The following SGO2 variants were observed in gnomAD, a reference collection of about 807,000 sequenced individuals.
SGO2 encodes shugoshin 2.
A neutral mutation model predicts 99.5 loss-of-function variants in SGO2; 68 were observed. That is an observed-to-expected ratio of 0.68 (90% CI 0.56 to 0.84). The LOEUF (loss-of-function observed/expected upper bound fraction) is 0.84, where lower values mean the gene tolerates loss of function less well. Ranked by LOEUF, SGO2 falls within the 40% of genes least tolerant of loss-of-function variation. SGO2 has a pLI of 0.00. For missense variants in SGO2, 1,350 were observed against 1,436.7 expected (o/e 0.94, Z 0.97); for synonymous variants, 457 against 487.1 (o/e 0.94, Z 0.81).
chr2:200,567,643 A>C (rs1392684802), intron 5 of SGO2, among the ~76,000 whole-genome samples: 1 of 152,216 alleles, frequency 6.6e-6, no homozygotes, highest in East Asian at 1.9e-4. Flanking sequence ...AACAACTGCT[A>C]ATCTACTTTC....
chr2:200,561,521 G>A (rs1406568533), intron 5 of SGO2, among the ~76,000 whole-genome samples: 4 of 152,106 alleles, frequency 2.6e-5, no homozygotes, highest in East Asian at 1.9e-4. Context: ...ATAAACATAC[G>A]TGTGCATGTG....
chr2:200,573,024 G>A lies in SGO2; in HGVS notation c.2678G>A (p.Arg893Lys). The change falls in exon 7 of 9, where the codon AGG becomes AAG. Residue 893 changes from arginine (R) to lysine (K), a missense_variant. Transcript: ENST00000357799. ...ILELKKYVTDRKSAEQNESKI... is the reference protein window; with the variant it reads ...ILELKKYVTDKKSAEQNESKI... ...GAGTTGAAAAAGTATGTTACTGATA[G>A]GAAATCTGCTGAGCAAAATGAATCA... is the stretch of plus-strand genomic sequence containing the variant. 1.9e-6 allele frequency: 3 copies of A among 1,568,390 alleles called. No individual in the cohort carries two copies. The highest frequency in any genetic ancestry group is 2.6e-6 in the Non-Finnish European group (3 of 1,164,532).
Position 200,572,914 on chromosome 2 carries a change from A to AC in SGO2, c.2569dup (p.Gln857ProfsTer5). On this transcript the variant is annotated frameshift_variant, in exon 7 of 9. Coordinates refer to ENST00000357799, the MANE Select transcript of SGO2 (RefSeq NM_152524.6). LOFTEE classifies it high-confidence loss of function. ...ATAAAGAAACAATTTCTGAAAATCT[A>AC]CAAGTCACAAATGAATTTCAAACAG... 1 of 1,593,066 alleles carries AC rather than the reference A, an allele frequency of 6.3e-7. No homozygotes were observed. The highest frequency in any genetic ancestry group is 8.5e-7 in the Non-Finnish European group (1 of 1,173,688).
At position 200,572,649 on chromosome 2, in the gene SGO2, C is replaced by T; in HGVS notation, c.2303C>T (p.Ala768Val). The change falls in exon 7 of 9, where the codon GCT (alanine) becomes GTT (valine). Residue 768 changes from alanine (A) to valine (V), a missense_variant. Physicochemically the swap from Ala to Val is moderately conservative, Grantham distance 64. Coordinates refer to ENST00000357799, the MANE Select transcript of SGO2 (RefSeq NM_152524.6). Reference protein sequence around the residue: ...LEDPSEFETPALSTKDSGNLY... With the variant: ...LEDPSEFETPVLSTKDSGNLY... ...GACCCAAGTGAGTTTGAAACACCTGCTCTTTCTACCAAAGATAGTGGAAAC... is the reference window on the plus strand; with the variant it reads ...GACCCAAGTGAGTTTGAAACACCTGTTCTTTCTACCAAAGATAGTGGAAAC... The T allele has an allele frequency of 6.2e-7, 1 of 1,612,264 alleles. No homozygotes were observed. Among genetic ancestry groups the T allele is most frequent in the Non-Finnish European group, 8.5e-7 (1 of 1,179,276 alleles).
At chr2:200,560,626 A>G (rs1022133162) in intron 5 of SGO2, among the ~76,000 whole-genome samples, 2 of 152,002 alleles carry the variant, frequency 1.3e-5, no homozygotes, top group African/African-American at 4.8e-5. Flanking sequence ...CCACTTCGTT[A>G]TGATGTATTA....
intron 8 of SGO2, among the ~76,000 whole-genome samples, chr2:200,576,478 A>G (rs1034567846): frequency 6.6e-6 from 1 of 152,182 alleles, no homozygotes; most frequent in African/African-American, 2.4e-5. Context: ...CGGGAGGCTG[A>G]GGCAGGAGAA....
chr2:200,551,025 T>G (rs911344882), intron 5 of SGO2, among the ~76,000 whole-genome samples: 3 of 151,052 alleles, frequency 2.0e-5, no homozygotes, highest in African/African-American at 7.3e-5. Context: ...AATCATATAC[T>G]GGTAGAAATG....
chr2:200,566,015 C>T (rs189425428), intron 5 of SGO2, among the ~76,000 whole-genome samples: 5 of 152,314 alleles, frequency 3.3e-5, no homozygotes, highest in East Asian at 1.9e-4. Flanking sequence ...TGAACATCCT[C>T]CTTTAGCTCG....
At chr2:200,553,002 G>A (rs572711714) in intron 5 of SGO2, among the ~76,000 whole-genome samples, 36 of 152,224 alleles carry the variant, frequency 2.4e-4, no homozygotes, top group Non-Finnish European at 4.9e-4. Flanking sequence ...GTAGAGGGAC[G>A]AAAATTCATC....
chr2:200,540,148 G>A (rs2031894486), intron 4 of SGO2, among the ~76,000 whole-genome samples: 1 of 151,952 alleles, frequency 6.6e-6, no homozygotes, highest in Non-Finnish European at 1.5e-5. Context: ...GCATTTTTAT[G>A]ATACTTGTTT....
intron 8 of SGO2, among the ~76,000 whole-genome samples, chr2:200,577,447 A>T (rs754783665): frequency 2.6e-4 from 39 of 152,212 alleles, no homozygotes; most frequent in Non-Finnish European, 4.9e-4. Flanking sequence ...AAGTTGTAAA[A>T]ATAATACAAA....
In SGO2 at chr2:200,571,947, C is replaced by G. The variant is rs756119809; in HGVS notation, c.1601C>G (p.Ser534Cys). ...CTAACTTGTAATAAAAGTAAAGCTT[C>G]TAGACAGACATTTGTGATTCACAAA... ...NSLTCNKSKA[S>C]RQTFVIHKLE... The change falls in exon 7 of 9, where the codon TCT (serine) becomes TGT (cysteine). Residue 534 changes from serine (S) to cysteine (C), a missense_variant. Transcript: ENST00000357799. The G allele has an allele frequency of 1.9e-6, 3 of 1,611,432 alleles. No homozygotes were observed. The highest frequency in any genetic ancestry group is 2.2e-5 in the East Asian group (1 of 44,858).
rs1273453821 is a variant in SGO2, at chr2:200,530,678, GA to G, written c.-2-2289del. On this transcript the variant is annotated intron_variant, in intron 1 of 8. Transcript: ENST00000357799. ...GAGGAACAGGTAGGTAGGTAGGTAG[GA>G]AAAAAACATAGGCGTTTGATGTTCT... Among the ~76,000 whole-genome samples, 6 of 152,118 alleles carry G rather than the reference GA, an allele frequency of 3.9e-5. No homozygotes were observed. The South Asian group carries it at 1.2e-3, about 32-fold the overall frequency.
At chr2:200,552,484 C>T (rs550003713) in intron 5 of SGO2, among the ~76,000 whole-genome samples, 2 of 152,244 alleles carry the variant, frequency 1.3e-5, no homozygotes, top group Admixed American at 1.3e-4. Flanking sequence ...ACCAAGCTTA[C>T]TTGTAGTTAT....
chr2:200,550,362 T>C (rs1356306561), intron 5 of SGO2, among the ~76,000 whole-genome samples: 1 of 152,160 alleles, frequency 6.6e-6, no homozygotes, highest in Non-Finnish European at 1.5e-5. Flanking sequence ...TAAAAATTTA[T>C]ATGAACCCGC....
chr2:200,559,991 TG>T (rs1218488937), intron 5 of SGO2, among the ~76,000 whole-genome samples: 1 of 152,168 alleles, frequency 6.6e-6, no homozygotes, highest in African/African-American at 2.4e-5. Context: ...GGGGTGCACA[TG>T]AAAAAAATGT....
chr2:200,569,895 G>A lies in SGO2; in HGVS notation c.703+3G>A, dbSNP rs2033335463. 6.5e-7 allele frequency: 1 copy of A among 1,539,162 alleles called. No homozygotes were observed. Among genetic ancestry groups the A allele is most frequent in the Non-Finnish European group, 8.9e-7 (1 of 1,118,428 alleles). ...TATAGTTGATGTACCTCCCAGAGGT[G>A]AGATTGTTTTAAAAATTCATTTTGA... On this transcript the variant is annotated splice_donor_region_variant and intron_variant, in intron 6 of 8. Coordinates refer to ENST00000357799, the MANE Select transcript of SGO2 (RefSeq NM_152524.6).
Position 200,536,603 on chromosome 2 carries a change from T to C in SGO2, c.387+461T>C, listed in dbSNP as rs150697285. On this transcript the variant is annotated intron_variant, in intron 4 of 8. Coordinates refer to ENST00000357799, the MANE Select transcript of SGO2 (RefSeq NM_152524.6). ...TTTCATGTGGTTCTTTTTGGAGAAT[T>C]CAGAGGGCTGAGGTCAACATCTAGA... 4.5e-3 allele frequency among the ~76,000 whole-genome samples: 691 copies of C among 152,234 alleles called. 4 individuals carry two copies. The highest frequency in any genetic ancestry group is 5.3e-3 in the Non-Finnish European group (358 of 67,992).
intron 1 of SGO2, among the ~76,000 whole-genome samples, chr2:200,531,320 G>C (rs58909877): frequency 0.18 from 27,939 of 152,138 alleles, 2,680 homozygotes; most frequent in Non-Finnish European, 0.2. Context: ...ATAAAGAGGA[G>C]TGACCCAGGG....
Sources: gnomAD v4.1 joint callset for allele counts (sites outside exome capture counted in the v4.1 genomes callset) on GRCh38, gnomAD v4.1.1 for gene constraint, MANE v1.5 for transcripts, NCBI Gene and HGNC (gene_info 2026-07-23, HGNC 2026-07-21) for gene names.